The following IKZF2 variants were observed in gnomAD, a reference collection of about 807,000 sequenced individuals.
The protein encoded by IKZF2 is IKAROS family zinc finger 2.
In IKZF2, 15 loss-of-function variants were observed where a neutral mutation model predicts 49.2. The ratio of observed to expected loss-of-function variants is 0.30; its 90% CI spans 0.20 to 0.47. IKZF2 has a LOEUF of 0.47. Among genes scored for constraint, IKZF2 ranks in the 20% least tolerant of loss-of-function variants. The pLI, the probability that IKZF2 is intolerant of heterozygous loss-of-function variation, is 1.00. For synonymous variants in IKZF2, 227 were observed against 221.4 expected (o/e 1.03, Z -0.23); for missense variants, 567 against 664.6 (o/e 0.85, Z 1.61).
chr2:213,147,290 C>T, intron 4 of IKZF2: 2 of 318,648 alleles, frequency 6.3e-6, no homozygotes, highest in East Asian at 1.1e-4. Flanking sequence ...GCAAGTAACA[C>T]TGTAATTTTA....
chr2:213,012,472 C>G (rs1476230590), intron 8 of IKZF2, among the ~76,000 whole-genome samples: 3 of 151,752 alleles, frequency 2.0e-5, no homozygotes, highest in Non-Finnish European at 2.9e-5. Context: ...ACAAAAAAAT[C>G]AATATTAAAA....
chr2:213,122,229 T>C (rs977201607), intron 4 of IKZF2, among the ~76,000 whole-genome samples: 1 of 152,252 alleles, frequency 6.6e-6, no homozygotes, highest in Non-Finnish European at 1.5e-5. Flanking sequence ...TCAGTCACGT[T>C]CTTCTACCAT....
intron 5 of IKZF2, among the ~76,000 whole-genome samples, chr2:213,053,605 C>T (rs1262698040): frequency 6.6e-6 from 1 of 152,094 alleles, no homozygotes; most frequent in Admixed American, 6.6e-5. Context: ...GTACAAAATA[C>T]GGTGCTGAAA....
At chr2:213,143,429 G>A (rs531541584) in intron 4 of IKZF2, among the ~76,000 whole-genome samples, 1 of 151,998 alleles carries the variant, frequency 6.6e-6, no homozygotes, top group South Asian at 2.1e-4. Context: ...CAGCACTTTT[G>A]CTGTTGATTA....
At chr2:213,103,270 T>C (rs1161549067) in intron 4 of IKZF2, among the ~76,000 whole-genome samples, 1 of 152,208 alleles carries the variant, frequency 6.6e-6, no homozygotes, top group Non-Finnish European at 1.5e-5. Context: ...AACAGACATG[T>C]ATACACACAT....
chr2:213,087,471 C>T (rs1209674039), intron 4 of IKZF2, among the ~76,000 whole-genome samples: 2 of 152,100 alleles, frequency 1.3e-5, no homozygotes, highest in South Asian at 2.1e-4. Flanking sequence ...GTATACTACA[C>T]ATGTGAAATG....
At chr2:213,147,632 C>G in intron 4 of IKZF2, 76 bp downstream of exon 4, 2 of 1,060,478 alleles carry the variant, frequency 1.9e-6, no homozygotes, top group East Asian at 2.4e-5. Context: ...GAGAGGACCC[C>G]ACAGACCTAA....
In IKZF2 at chr2:213,011,398, C is replaced by T. The variant is rs755281942; in HGVS notation, c.856+2393G>A. Among the ~76,000 whole-genome samples, 6 of 151,362 alleles carry T rather than the reference C, an allele frequency of 4.0e-5. 1 individual carries two copies. Among genetic ancestry groups the T allele is most frequent in the African/African-American group, 9.7e-5 (4 of 41,162 alleles). ...AGTGAGAAAGAGGAAAAAATAATAG[C>T]GTGAGGTATCTGGGGGGCCAGGATA... On this transcript the variant is annotated intron_variant, in intron 8 of 8. Coordinates refer to ENST00000434687, the MANE Select transcript of IKZF2 (RefSeq NM_001387220.1).
At chr2:213,027,985 G>A (rs1426688585) in intron 6 of IKZF2, among the ~76,000 whole-genome samples, 1 of 151,944 alleles carries the variant, frequency 6.6e-6, no homozygotes, top group African/African-American at 2.4e-5. Context: ...CATATATACA[G>A]ATAAAACAAA....
chr2:213,103,862 T>A (rs2059432347), intron 4 of IKZF2, among the ~76,000 whole-genome samples: 1 of 152,118 alleles, frequency 6.6e-6, no homozygotes, highest in African/African-American at 2.4e-5. Context: ...GATATCAGAT[T>A]TATAAGAAAA....
At chr2:213,039,567 G>C (rs1023210389) in intron 6 of IKZF2, among the ~76,000 whole-genome samples, 1 of 151,996 alleles carries the variant, frequency 6.6e-6, no homozygotes, top group African/African-American at 2.4e-5. Flanking sequence ...CATTCCTAAA[G>C]TGTTTGGAAG....
intron 4 of IKZF2, among the ~76,000 whole-genome samples, chr2:213,121,971 G>A (rs920525): frequency 0.71 from 108,369 of 152,006 alleles, 45,318 homozygotes; most frequent in East Asian, 0.91. Flanking sequence ...AAATAATAGA[G>A]AGTGTAATAA....
At chr2:213,122,639 T>TAA (rs1265498077) in intron 4 of IKZF2, among the ~76,000 whole-genome samples, 1 of 152,250 alleles carries the variant, frequency 6.6e-6, no homozygotes, top group Non-Finnish European at 1.5e-5. Flanking sequence ...GAAACACTCT[T>TAA]ACCAAATCTG....
intron 4 of IKZF2, among the ~76,000 whole-genome samples, chr2:213,129,481 G>A (rs2060398580): frequency 6.6e-6 from 1 of 151,336 alleles, no homozygotes; most frequent in African/African-American, 2.4e-5. Flanking sequence ...CCATGTCCCG[G>A]AAAAGAAAAA....
chr2:213,093,389 G>A (rs1001372197), intron 4 of IKZF2, among the ~76,000 whole-genome samples: 6 of 151,944 alleles, frequency 3.9e-5, no homozygotes, highest in Non-Finnish European at 8.8e-5. Context: ...TTCCTGCTGC[G>A]GGGCCTTTGC....
At chr2:213,065,865 CT>C (rs1702113020) in intron 4 of IKZF2, among the ~76,000 whole-genome samples, 1 of 151,994 alleles carries the variant, frequency 6.6e-6, no homozygotes, top group Non-Finnish European at 1.5e-5. Context: ...AGAATGATAC[CT>C]TTGAATCAGT....
At chr2:213,144,211 A>G (rs1201410863) in intron 4 of IKZF2, among the ~76,000 whole-genome samples, 1 of 151,952 alleles carries the variant, frequency 6.6e-6, no homozygotes, top group Non-Finnish European at 1.5e-5. Flanking sequence ...GATTCCATAC[A>G]TGCCACCTGG....
At chr2:213,052,822 G>A (rs1369617632) in intron 5 of IKZF2, among the ~76,000 whole-genome samples, 1 of 151,852 alleles carries the variant, frequency 6.6e-6, no homozygotes, top group Non-Finnish European at 1.5e-5. Flanking sequence ...AATGTCGTGG[G>A]GTATTTCCTG....
In IKZF2 at chr2:213,146,728, C is replaced by T. The variant is rs73079231; in HGVS notation, c.139+980G>A. ...TTACAAATATGCTCATAATTAAGTA[C>T]ATGATTCACTTTTCTTAGTTATTAA... On this transcript the variant is annotated intron_variant, in intron 4 of 8. Coordinates refer to ENST00000434687, the MANE Select transcript of IKZF2 (RefSeq NM_001387220.1). Among the ~76,000 whole-genome samples the T allele has an allele frequency of 1.2e-3, 145 of 120,492 alleles. 1 individual carries two copies. Among genetic ancestry groups the T allele is most frequent in the African/African-American group, 4.7e-3 (143 of 30,340 alleles). The allele number at this position is 120,492 out of a possible 152,430, so 79.0% of individuals were successfully genotyped here.
Sources: gnomAD v4.1 joint callset for allele counts (sites outside exome capture counted in the v4.1 genomes callset) on GRCh38, gnomAD v4.1.1 for gene constraint, MANE v1.5 for transcripts, NCBI Gene and HGNC (gene_info 2026-07-23, HGNC 2026-07-21) for gene names.